Variants in SETD5 observed in about 807,000 individuals in gnomAD.
SETD5 encodes the protein histone-lysine N-methyltransferase SETD5.
Under a neutral mutation model 153.3 loss-of-function variants are expected in SETD5, and 44 were observed. The observed-to-expected ratio is 0.29, with a 90% CI of 0.23 to 0.37. The LOEUF (loss-of-function observed/expected upper bound fraction) is 0.37, where lower values mean the gene tolerates loss of function less well. Ranked by LOEUF, SETD5 falls within the 10% of genes least tolerant of loss-of-function variation. The pLI, the probability that SETD5 is intolerant of heterozygous loss-of-function variation, is 1.00. For synonymous variants in SETD5, 716 were observed against 645.2 expected (o/e 1.11, Z -1.66); for missense variants, 1,544 against 1,768.0 (o/e 0.87, Z 2.27).
intron 3 of SETD5, chr3:9,432,390 T>A: frequency 2.0e-6 from 1 of 510,074 alleles, no homozygotes; most frequent in Non-Finnish European, 2.5e-6. Flanking sequence ...TTGCACCACA[T>A]TGAACTGCAC....
intron 1 of SETD5, among the ~76,000 whole-genome samples, chr3:9,404,752 A>G (rs561925851): frequency 6.6e-6 from 1 of 152,308 alleles, no homozygotes; most frequent in East Asian, 1.9e-4. Context: ...GGATCTTGCT[A>G]GAGGCTCTAA....
chr3:9,419,435 A>G (rs923523907), intron 1 of SETD5, among the ~76,000 whole-genome samples: 3 of 152,172 alleles, frequency 2.0e-5, no homozygotes, highest in Non-Finnish European at 4.4e-5. Flanking sequence ...GCATGGCAGT[A>G]TGCGTCTGTG....
chr3:9,444,616 C>T (rs2041711072), intron 11 of SETD5, among the ~76,000 whole-genome samples: 1 of 151,892 alleles, frequency 6.6e-6, no homozygotes, highest in African/African-American at 2.4e-5. Context: ...TTACGTCAGG[C>T]GCGGTGACTG....
At chr3:9,469,779 CT>C (rs2045079895) in intron 18 of SETD5, among the ~76,000 whole-genome samples, 1 of 152,148 alleles carries the variant, frequency 6.6e-6, no homozygotes, top group African/African-American at 2.4e-5. Flanking sequence ...ATTTCAGAAT[CT>C]GCAGTGATGA....
chr3:9,423,967 AG>A (rs1341948238), intron 1 of SETD5, among the ~76,000 whole-genome samples: 3 of 152,194 alleles, frequency 2.0e-5, no homozygotes, highest in Non-Finnish European at 4.4e-5. Flanking sequence ...TTTTTATAGT[AG>A]GACAAGAAAC....
At chr3:9,401,826 T>C (rs1653710196) in intron 1 of SETD5, among the ~76,000 whole-genome samples, 1 of 152,238 alleles carries the variant, frequency 6.6e-6, no homozygotes, top group African/African-American at 2.4e-5. Context: ...AAAATTGTAT[T>C]TCAAGTGTTG....
At chr3:9,424,827 A>G (rs1356238008) in intron 2 of SETD5, among the ~76,000 whole-genome samples, 1 of 152,208 alleles carries the variant, frequency 6.6e-6, no homozygotes, top group Non-Finnish European at 1.5e-5. Flanking sequence ...TTACAGAGTT[A>G]CTTAGGGAAG....
intron 1 of SETD5, among the ~76,000 whole-genome samples, chr3:9,407,269 A>G (rs1035844927): frequency 1.3e-5 from 2 of 152,218 alleles, no homozygotes; most frequent in Non-Finnish European, 2.9e-5. Context: ...CAGAGGTTGC[A>G]GTGAGCCAAG....
At chr3:9,432,185 CT>C in intron 3 of SETD5, 1 of 574,712 alleles carries the variant, frequency 1.7e-6, no homozygotes, top group Non-Finnish European at 2.2e-6. Flanking sequence ...CCGTTCCCAT[CT>C]TGCAGACACT....
At position 9,445,219 on chromosome 3, in the gene SETD5, G is replaced by A. The variant is rs1451567984; in HGVS notation, c.1359G>A (p.Gln453=). The A allele has an allele frequency of 2.5e-6, 4 of 1,613,094 alleles. No individual in the cohort carries two copies. The highest frequency in any genetic ancestry group is 3.4e-6 in the Non-Finnish European group (4 of 1,179,474). ...KARRKELEME[Q]QNEASEENND... ...GACGGAAAGAGCTAGAGATGGAGCAGCAGAATGAGGCTTCAGAGGAGAATA... is the reference window on the plus strand; with the variant it reads ...GACGGAAAGAGCTAGAGATGGAGCAACAGAATGAGGCTTCAGAGGAGAATA... The change falls in exon 12 of 23, where the codon CAG becomes CAA. Residue 453 remains glutamine (Q), a synonymous_variant. Coordinates refer to ENST00000402198, the MANE Select transcript of SETD5 (RefSeq NM_001080517.3).
At chr3:9,456,871 G>A (rs2043314695) in intron 17 of SETD5, among the ~76,000 whole-genome samples, 1 of 152,068 alleles carries the variant, frequency 6.6e-6, no homozygotes, top group African/African-American at 2.4e-5. Context: ...AGCTACTCAG[G>A]AGGCTGAGGC....
chr3:9,434,262 A>C lies in SETD5; in HGVS notation c.178-72A>C, dbSNP rs1317890664. On this transcript the variant is annotated intron_variant, in intron 4 of 22. Coordinates refer to ENST00000402198, the MANE Select transcript of SETD5 (RefSeq NM_001080517.3). This position sits in a 1 kb window ranked among gnomAD's most constrained non-coding sequence, Gnocchi z 5.6. Reference sequence around the variant, plus strand: ...AGTGTTTGGACACTGTTGATTTAAAAAATCTTATTTTCAGGATCATAATTA... The same window carrying C: ...AGTGTTTGGACACTGTTGATTTAAACAATCTTATTTTCAGGATCATAATTA... 4.4e-6 allele frequency: 7 copies of C among 1,598,216 alleles called. No individual in the cohort carries two copies. The African/African-American group carries it at 9.4e-5, about 21-fold the overall frequency.
chr3:9,459,645 T>G (rs2043698702), intron 17 of SETD5, among the ~76,000 whole-genome samples: 2 of 141,980 alleles, frequency 1.4e-5, no homozygotes, highest in Non-Finnish European at 1.5e-5. Context: ...AAACCGGGCA[T>G]AGTGGCAGGC....
At chr3:9,420,049 A>G (rs2038139994) in intron 1 of SETD5, among the ~76,000 whole-genome samples, 1 of 152,156 alleles carries the variant, frequency 6.6e-6, no homozygotes, top group Non-Finnish European at 1.5e-5. Flanking sequence ...TAGTCAGTCT[A>G]AATTATTTGA....
chr3:9,399,014 T>A (rs1309498401), intron 1 of SETD5, among the ~76,000 whole-genome samples: 1 of 152,220 alleles, frequency 6.6e-6, no homozygotes, highest in Non-Finnish European at 1.5e-5. Flanking sequence ...TTCCCAGACC[T>A]CTGGGTTCCA....
rs755880451 is a variant in SETD5, at chr3:9,464,606, C to T, written c.2658C>T (p.Ser886=). 2.5e-6 allele frequency: 4 copies of T among 1,613,880 alleles called. No homozygotes were observed. Among genetic ancestry groups the T allele is most frequent in the Non-Finnish European group, 3.4e-6 (4 of 1,179,902 alleles). Residue 886 remains serine (S), a synonymous_variant, in exon 18 of 23, where the codon AGC becomes AGT. Transcript: ENST00000402198. ...PGEEECRNGY[S]LMFSPVTSLT... ...AAGAGGAGTGTCGAAATGGATACAG[C>T]CTCATGTTTTCACCAGTCACATCTC... is the stretch of plus-strand genomic sequence containing the variant.
rs1303806009 is a variant in SETD5 at position 9,440,625 on chromosome 3, A to C, written c.737A>C (p.Lys246Thr). Residue 246 changes from lysine (K) to threonine (T), a missense_variant, in exon 8 of 23, where the codon AAA becomes ACA. Around this residue, in one of 9 missense-constraint regions of SETD5, gnomAD observed 251 missense variants for 326.9 expected, o/e 0.77. Coordinates refer to ENST00000402198, the MANE Select transcript of SETD5 (RefSeq NM_001080517.3). The stretch of plus-strand genomic sequence containing the variant: ...CATTCTAGCAAGGAATTTGTGGGCA[A>C]ACCTACTATTTTAGACACTATTAAT... ...HLHSSKEFVG[K>T]PTILDTINKT... 1 of 1,613,980 alleles carries C rather than the reference A, an allele frequency of 6.2e-7. No homozygotes were observed.
chr3:9,400,771 A>T (rs762843649), intron 1 of SETD5, among the ~76,000 whole-genome samples: 3 of 152,208 alleles, frequency 2.0e-5, no homozygotes, highest in Non-Finnish European at 4.4e-5. Context: ...GCAGAAATCG[A>T]ATAAGTCTAG....
intron 3 of SETD5, among the ~76,000 whole-genome samples, chr3:9,432,557 G>C (rs1306474376): frequency 1.3e-5 from 2 of 152,146 alleles, no homozygotes; most frequent in South Asian, 2.1e-4. Flanking sequence ...TTGTGAATCT[G>C]TGTTCTAATT....
Sources: gnomAD v4.1 joint callset for allele counts (sites outside exome capture counted in the v4.1 genomes callset) on GRCh38, gnomAD v4.1.1 for gene constraint, gnomAD v4.1.1 regional missense constraint, Gnocchi (gnomAD v3.1) non-coding constraint, MANE v1.5 for transcripts, NCBI Gene and HGNC (gene_info 2026-07-23, HGNC 2026-07-21) for gene names.